The following MGA variants were observed in gnomAD, a reference collection of about 807,000 sequenced individuals.
The protein encoded by MGA is MAX gene-associated protein.
In MGA, 40 loss-of-function variants were observed where a neutral mutation model predicts 261.1. The ratio of observed to expected loss-of-function variants is 0.15; its 90% CI spans 0.12 to 0.20. The LOEUF (loss-of-function observed/expected upper bound fraction) is 0.20, where lower values mean the gene tolerates loss of function less well. Ranked by LOEUF, MGA falls within the 10% of genes least tolerant of loss-of-function variation. MGA has a pLI of 1.00. For synonymous variants in MGA, 1,302 were observed against 1,290.6 expected, an observed-to-expected ratio of 1.01 and a Z score of -0.19; for missense variants, 3,397 against 3,630.5, an observed-to-expected ratio of 0.94 and a Z score of 1.65.
chr15:41,736,154 T>C, intron 12 of MGA, 27 bp from the exon 13 acceptor site: 1 of 1,459,290 alleles, frequency 6.9e-7, no homozygotes. Flanking sequence ...TTTCAACTTT[T>C]TCTTTTTTAT....
chr15:41,675,317 TG>T (rs2151023730), intron 2 of MGA, among the ~76,000 whole-genome samples: 1 of 152,324 alleles, frequency 6.6e-6, no homozygotes, highest in South Asian at 2.1e-4. Flanking sequence ...TTGTCTTTTT[TG>T]TTTTTAGCTA....
chr15:41,622,871 A>T (rs940954243), intron 1 of MGA, among the ~76,000 whole-genome samples: 2 of 152,244 alleles, frequency 1.3e-5, no homozygotes, highest in African/African-American at 4.8e-5. Context: ...ACCACTGCTT[A>T]TGTTTTATTA....
In MGA at chr15:41,757,701, A is replaced by G. The variant is rs1335106248; in HGVS notation, c.7140-87A>G. On this transcript the variant is annotated intron_variant, in intron 18 of 23. Transcript: ENST00000219905. ...ACCTTGGGAAAAAGAAACTGGTTGT[A>G]ATTTGGAATGGTTTGGTTGTAGCTG... 15 of 1,026,566 alleles carry G rather than the reference A, an allele frequency of 1.5e-5. No homozygotes were observed. In the East Asian group the frequency reaches 2.2e-4, roughly 15 times the overall value. The allele number at this position is 1,026,566 out of a possible 1,614,324, so 63.6% of individuals were successfully genotyped here.
chr15:41,703,372 C>G (rs1393509999), intron 5 of MGA, among the ~76,000 whole-genome samples: 5 of 135,114 alleles, frequency 3.7e-5, no homozygotes, highest in Non-Finnish European at 6.5e-5. Flanking sequence ...GAAGTTACCC[C>G]CCCCCCCACT....
intron 17 of MGA, chr15:41,750,832 A>G (rs1457108433): frequency 2.0e-5 from 9 of 451,016 alleles, no homozygotes; most frequent in Non-Finnish European, 2.7e-5. Flanking sequence ...TTTTATGGGA[A>G]GGCTGGCTTA....
intron 1 of MGA, among the ~76,000 whole-genome samples, chr15:41,634,634 A>G (rs1426668974): frequency 6.6e-6 from 1 of 152,170 alleles, no homozygotes; most frequent in Non-Finnish European, 1.5e-5. Context: ...TATTTGCAGG[A>G]GAAATGGTGA....
At chr15:41,655,582 A>T (rs1441119586), upstream of MGA, among the ~76,000 whole-genome samples, 2 of 151,398 alleles carry the variant, frequency 1.3e-5, no homozygotes, top group African/African-American at 4.9e-5. Flanking sequence ...TATTTGTTTT[A>T]TTTTTTCCAC....
chr15:41,752,504 G>A (rs2062888157), intron 17 of MGA, among the ~76,000 whole-genome samples: 1 of 146,114 alleles, frequency 6.8e-6, no homozygotes. Context: ...TAAAACCAGT[G>A]AAAACTATTA....
At position 41,745,281 on chromosome 15, in the gene MGA, T is replaced by TTAAAAAA. The variant is rs1555432883; in HGVS notation, c.5212+2109_5212+2110insTAAAAAA. 3.5e-3 allele frequency among the ~76,000 whole-genome samples: 117 copies of TTAAAAAA among 33,220 alleles called. 24 individuals are homozygous for TTAAAAAA. The highest frequency in any genetic ancestry group is 0.013 in the East Asian group (6 of 460). 21.8% of individuals were successfully genotyped at this position (33,220 alleles called of 152,430 possible). A position where few individuals can be genotyped will look rare whatever the true frequency, so the allele number is the denominator to read the frequency against. On this transcript the variant is annotated intron_variant, in intron 15 of 23. Transcript: ENST00000219905. ...GCGAGAAACACCCAAGAATGATCAATAAAAAAAAAAAAAAAAAAAAAAAAA... is the reference window on the plus strand; with the variant it reads ...GCGAGAAACACCCAAGAATGATCAATTAAAAAAAAAAAAAAAAAAAAAAAAAAAAAAA...
chr15:41,755,458 A>C (rs1450918034), intron 18 of MGA, among the ~76,000 whole-genome samples: 1 of 152,230 alleles, frequency 6.6e-6, no homozygotes, highest in African/African-American at 2.4e-5. Flanking sequence ...AGTCTGGGAT[A>C]ATGAGTTCTG....
Position 41,710,492 on chromosome 15 carries a change from CCT to C in MGA, c.2426-198_2426-197del, listed in dbSNP as rs2060336773. Among the ~76,000 whole-genome samples, 3 of 152,188 alleles carry C rather than the reference CCT, an allele frequency of 2.0e-5. No homozygotes were observed. The East Asian group carries it at 5.8e-4, about 29-fold the overall frequency. On this transcript the variant is annotated intron_variant, in intron 7 of 23. Coordinates refer to ENST00000219905, the MANE Select transcript of MGA (RefSeq NM_001164273.2). The stretch of plus-strand genomic sequence containing the variant: ...ACGTTACTTAGGCTGGTCTTGAACT[CCT>C]AGCCTGTAGCGATCGTTTTGCTTCT...
intron 13 of MGA, among the ~76,000 whole-genome samples, chr15:41,738,278 A>T (rs2061898691): frequency 6.6e-6 from 1 of 151,522 alleles, no homozygotes; most frequent in Non-Finnish European, 1.5e-5. Flanking sequence ...GTGTGCCTGT[A>T]ATCCCAGCTA....
chr15:41,683,894 TG>T (rs1216373393), intron 2 of MGA, among the ~76,000 whole-genome samples: 1 of 152,102 alleles, frequency 6.6e-6, no homozygotes, highest in African/African-American at 2.4e-5. Context: ...GCACCAGTTT[TG>T]TTTTTTTTCC....
In MGA at chr15:41,729,334, C is replaced by A. The variant is rs1461378798; in HGVS notation, c.3828C>A (p.Asn1276Lys). The change falls in exon 11 of 24, where the codon AAC becomes AAA. Residue 1276 changes from asparagine (N) to lysine (K), a missense_variant. Physicochemically the swap from Asn to Lys is moderately conservative, Grantham distance 94. Around this residue, in one of 9 missense-constraint regions of MGA, gnomAD observed 1,410 missense variants for 1,386.4 expected, o/e 1.02. Coordinates refer to ENST00000219905, the MANE Select transcript of MGA (RefSeq NM_001164273.2). The stretch of plus-strand genomic sequence containing the variant: ...CTTCATGTCATTCTAGCCCTGAGAA[C>A]CATAATAATGCAAAGGTGAGTTTCT... 2 of 1,611,490 alleles carry A rather than the reference C, an allele frequency of 1.2e-6. No individual in the cohort carries two copies. Among genetic ancestry groups the A allele is most frequent in the South Asian group, 1.1e-5 (1 of 90,624 alleles).
chr15:41,736,637 C>T lies in MGA; in HGVS notation c.4373C>T (p.Pro1458Leu). 1 of 1,613,904 alleles carries T rather than the reference C, an allele frequency of 6.2e-7. No individual in the cohort carries two copies. The highest frequency in any genetic ancestry group is 8.5e-7 in the Non-Finnish European group (1 of 1,179,850). Residue 1458 changes from proline to leucine, a missense_variant, in exon 13 of 24, where the codon CCT (proline) becomes CTT (leucine). Pro to Leu is a moderately conservative substitution (Grantham distance 98). Around this residue, in one of 9 missense-constraint regions of MGA, gnomAD observed 1,410 missense variants for 1,386.4 expected, o/e 1.02. Coordinates refer to ENST00000219905, the MANE Select transcript of MGA (RefSeq NM_001164273.2). ...CTGCCTTTTTATGCAGGGCTTTCTC[C>T]TGCAGGGAAGCTTGTGGCCTATAAA...
At chr15:41,654,855 A>G (rs772302004) in intron 1 of MGA, among the ~76,000 whole-genome samples, 1 of 152,190 alleles carries the variant, frequency 6.6e-6, no homozygotes, top group African/African-American at 2.4e-5. Context: ...ATTCACTGTT[A>G]CTAAAGTGTC....
At chr15:41,714,190 T>C (rs2060515621) in intron 9 of MGA, among the ~76,000 whole-genome samples, 1 of 152,324 alleles carries the variant, frequency 6.6e-6, no homozygotes, top group African/African-American at 2.4e-5. Context: ...TTCCTGTTGC[T>C]CTGTGTTCAT....
Position 41,736,200 on chromosome 15 carries a change from C to G in MGA, c.3936C>G (p.Ser1312=), listed in dbSNP as rs749357802. Residue 1312 remains serine, a synonymous_variant, in exon 13 of 24, where the codon TCC becomes TCG. Transcript: ENST00000219905. Reference sequence around the variant, plus strand: ...CATCAGAAAAGAGCTGGAAGTCTTCCTGCAATGAAGGAGAATCCTCTTCTA... The same window carrying G: ...CATCAGAAAAGAGCTGGAAGTCTTCGTGCAATGAAGGAGAATCCTCTTCTA... 2.0e-5 allele frequency: 32 copies of G among 1,570,282 alleles called. No homozygotes were observed. Among genetic ancestry groups the G allele is most frequent in the Non-Finnish European group, 2.6e-5 (30 of 1,158,548 alleles).
intron 17 of MGA, 129 bp from the exon 18 acceptor site, chr15:41,754,308 A>G: frequency 1.4e-6 from 1 of 735,220 alleles, no homozygotes. Context: ...CAATCTTAGG[A>G]TTATCAGTAC....
Sources: gnomAD v4.1 joint callset for allele counts (sites outside exome capture counted in the v4.1 genomes callset) on GRCh38, gnomAD v4.1.1 for gene constraint, gnomAD v4.1.1 regional missense constraint, MANE v1.5 for transcripts, NCBI Gene and HGNC (gene_info 2026-07-23, HGNC 2026-07-21) for gene names.